Variants in PCDH15 observed in about 807,000 individuals in gnomAD.
PCDH15 encodes the protein protocadherin related 15, also known as protocadherin-15.
In PCDH15, 129 loss-of-function variants were observed where a neutral mutation model predicts 178.5. That is an observed-to-expected ratio of 0.72 (90% CI 0.63 to 0.84). The LOEUF is 0.84. PCDH15 is among the 40% of genes least tolerant of loss of function. The pLI is 0.00. For missense variants in PCDH15, 2,230 were observed against 2,099.9 expected, an observed-to-expected ratio of 1.06 and a Z score of -1.21; for synonymous variants, 800 against 732.0, an observed-to-expected ratio of 1.09 and a Z score of -1.50.
rs1231852250 is a variant in PCDH15, at chr10:55,348,573, A to T, written c.-155-181922T>A. Reference sequence around the variant, plus strand: ...AACATAGTGTTTTATAGTAAGAAATACATTAAAGATACTAAAATTTAGAAA... The same window carrying T: ...AACATAGTGTTTTATAGTAAGAAATTCATTAAAGATACTAAAATTTAGAAA... On this transcript the variant is annotated intron_variant, in intron 2 of 5. Transcript: ENST00000613346. Among the ~76,000 whole-genome samples, 8 of 152,312 alleles carry T rather than the reference A, an allele frequency of 5.3e-5. No individual in the cohort carries two copies. In the South Asian group the frequency reaches 1.7e-3, roughly 32 times the overall value.
intron 2 of PCDH15, among the ~76,000 whole-genome samples, chr10:54,569,444 A>G (rs1221327900): frequency 6.6e-6 from 1 of 152,166 alleles, no homozygotes; most frequent in Admixed American, 6.5e-5. Context: ...ATGTTTGTAA[A>G]ATAAGTGATT....
chr10:55,363,203 T>C (rs1193527087), intron 2 of PCDH15, among the ~76,000 whole-genome samples: 1 of 152,188 alleles, frequency 6.6e-6, no homozygotes, highest in East Asian at 1.9e-4. Flanking sequence ...CGATGAATAT[T>C]CAGTACATTC....
At chr10:55,350,491 A>C (rs1844896686) in intron 2 of PCDH15, among the ~76,000 whole-genome samples, 1 of 151,898 alleles carries the variant, frequency 6.6e-6, no homozygotes, top group South Asian at 2.1e-4. Flanking sequence ...TAAATAGATT[A>C]TTATGACTTT....
chr10:54,332,369 T>TATATTATTATG (rs1239533282), intron 6 of PCDH15, among the ~76,000 whole-genome samples: 3,712 of 107,052 alleles, frequency 0.035, 703 homozygotes, highest in African/African-American at 0.046. Context: ...ATCTATATTA[T>TATATTATTATG]ATATATAATA....
At chr10:53,856,607 C>A (rs2078761010) in intron 28 of PCDH15, among the ~76,000 whole-genome samples, 1 of 152,010 alleles carries the variant, frequency 6.6e-6, no homozygotes, top group Admixed American at 6.6e-5. Flanking sequence ...GGTATATATT[C>A]AATCCATGAA....
intron 15 of PCDH15, among the ~76,000 whole-genome samples, chr10:54,130,681 A>G (rs1259869844): frequency 1.3e-5 from 2 of 152,202 alleles, no homozygotes; most frequent in East Asian, 3.9e-4. Context: ...ATCTCCATCA[A>G]AACAGATTAG....
chr10:54,782,481 G>A (rs1005503429), intron 1 of PCDH15, among the ~76,000 whole-genome samples: 5 of 152,084 alleles, frequency 3.3e-5, no homozygotes, highest in Non-Finnish European at 7.4e-5. Context: ...AATGTAAAAC[G>A]TAAAAGTACT....
At chr10:55,447,445 A>G (rs1272050736) in intron 2 of PCDH15, among the ~76,000 whole-genome samples, 1 of 152,042 alleles carries the variant, frequency 6.6e-6, no homozygotes, top group Non-Finnish European at 1.5e-5. Context: ...CTTTGAGGAA[A>G]TCATTCAACA....
At chr10:54,296,144 C>CA (rs59721161) in intron 8 of PCDH15, among the ~76,000 whole-genome samples, 667 of 48,046 alleles carry the variant, frequency 0.014, 34 homozygotes, top group East Asian at 0.074. Context: ...GACTCCGTCT[C>CA]AAAAAAAAAA....
intron 2 of PCDH15, among the ~76,000 whole-genome samples, chr10:55,491,690 A>G (rs939602152): frequency 2.0e-5 from 3 of 150,516 alleles, no homozygotes; most frequent in South Asian, 4.2e-4. Flanking sequence ...TTTCAATCTT[A>G]CACATGGAGC....
At chr10:54,727,135 C>G (rs1942666301) in intron 1 of PCDH15, among the ~76,000 whole-genome samples, 1 of 151,274 alleles carries the variant, frequency 6.6e-6, no homozygotes, top group African/African-American at 2.4e-5. Context: ...CAAAAAACAG[C>G]AGAATATACA....
chr10:54,529,289 G>A (rs546834520), intron 2 of PCDH15, among the ~76,000 whole-genome samples: 182 of 151,884 alleles, frequency 1.2e-3, no homozygotes, highest in Middle Eastern at 3.4e-3. Context: ...CACTCATTAC[G>A]CCTCTTCCTC....
intron 8 of PCDH15, among the ~76,000 whole-genome samples, chr10:54,264,911 C>G (rs1329811002): frequency 6.6e-6 from 1 of 152,050 alleles, no homozygotes; most frequent in South Asian, 2.1e-4. Context: ...ATCCAGAGAA[C>G]CCCTTTTATA....
At chr10:55,593,967 G>C (rs1842894049) in intron 2 of PCDH15, among the ~76,000 whole-genome samples, 1 of 151,818 alleles carries the variant, frequency 6.6e-6, no homozygotes, top group African/African-American at 2.4e-5. Context: ...GAAACTCATA[G>C]GAATTAGATG....
intron 16 of PCDH15, among the ~76,000 whole-genome samples, chr10:54,089,260 T>C (rs1412262956): frequency 6.6e-6 from 1 of 152,220 alleles, no homozygotes; most frequent in South Asian, 2.1e-4. Flanking sequence ...TTTATAATCA[T>C]TGGCCAAGTT....
intron 2 of PCDH15, among the ~76,000 whole-genome samples, chr10:55,385,660 G>A (rs2132006897): frequency 6.9e-6 from 1 of 144,920 alleles, no homozygotes; most frequent in East Asian, 2.0e-4. Flanking sequence ...CTCTGTCTCT[G>A]CCTGTCTAGC....
At chr10:54,517,974 T>C (rs1021429156) in intron 3 of PCDH15, among the ~76,000 whole-genome samples, 1 of 152,020 alleles carries the variant, frequency 6.6e-6, no homozygotes, top group African/African-American at 2.4e-5. Context: ...GGGTACATAA[T>C]GAAATGAAGG....
chr10:54,458,034 ACT>A (rs2076936810), intron 3 of PCDH15, among the ~76,000 whole-genome samples: 2 of 151,478 alleles, frequency 1.3e-5, no homozygotes, highest in South Asian at 4.2e-4. Flanking sequence ...GCCAAATGAG[ACT>A]CTATTTTACA....
intron 25 of PCDH15, among the ~76,000 whole-genome samples, chr10:53,919,364 A>G (rs1348839243): frequency 1.3e-5 from 2 of 152,240 alleles, no homozygotes; most frequent in Non-Finnish European, 2.9e-5. Flanking sequence ...TAGGAAAAAC[A>G]AAATTCTGTT....
Sources: allele counts gnomAD v4.1 joint callset (sites outside exome capture counted in the v4.1 genomes callset), GRCh38; gene constraint gnomAD v4.1.1; transcripts MANE v1.5; gene names NCBI Gene and HGNC (gene_info 2026-07-23, HGNC 2026-07-21).